Variants in TRAPPC9 observed in about 807,000 individuals in gnomAD.
TRAPPC9 encodes the protein trafficking protein particle complex subunit 9.
TRAPPC9 carries 83 observed loss-of-function variants against 124.0 expected under a neutral mutation model. That is an observed-to-expected ratio of 0.67 (90% CI 0.56 to 0.80). The LOEUF is 0.80. TRAPPC9 is among the 30% of genes least tolerant of loss of function. The pLI is 0.00. For missense variants in TRAPPC9, 1,302 were observed against 1,508.3 expected (o/e 0.86, Z 2.27); for synonymous variants, 638 against 617.5 (o/e 1.03, Z -0.49).
chr8:140,042,464 T>C (rs1401965002), intron 17 of TRAPPC9, among the ~76,000 whole-genome samples: 1 of 152,192 alleles, frequency 6.6e-6, no homozygotes, highest in Non-Finnish European at 1.5e-5. Context: ...TCCGGCTGCT[T>C]TTTATAGAAG....
At chr8:140,354,398 A>G (rs2067678073) in intron 9 of TRAPPC9, among the ~76,000 whole-genome samples, 1 of 152,232 alleles carries the variant, frequency 6.6e-6, no homozygotes, top group Admixed American at 6.5e-5. Flanking sequence ...AGAAGATTCC[A>G]CAAATCATCA....
intron 9 of TRAPPC9, among the ~76,000 whole-genome samples, chr8:140,322,485 A>T (rs2066621360): frequency 6.6e-6 from 1 of 152,290 alleles, no homozygotes; most frequent in African/African-American, 2.4e-5. Flanking sequence ...TTAAAAATGC[A>T]TATTATAATC....
At chr8:140,308,819 T>C (rs1308967199) in intron 10 of TRAPPC9, among the ~76,000 whole-genome samples, 1 of 151,474 alleles carries the variant, frequency 6.6e-6, no homozygotes, top group African/African-American at 2.4e-5. Flanking sequence ...AGGTGGAGGT[T>C]GCAGTGAGCC....
chr8:140,212,930 A>G (rs886546835), intron 17 of TRAPPC9, among the ~76,000 whole-genome samples: 12 of 151,780 alleles, frequency 7.9e-5, no homozygotes, highest in Non-Finnish European at 1.6e-4. Flanking sequence ...TTAGCTGGGC[A>G]TGGTGGCGCA....
At chr8:139,981,015 G>T (rs1200847467) in intron 19 of TRAPPC9, among the ~76,000 whole-genome samples, 1 of 152,208 alleles carries the variant, frequency 6.6e-6, no homozygotes, top group South Asian at 2.1e-4. Context: ...AGAAAGAGAA[G>T]AATTTCTCTT....
chr8:140,049,083 C>T (rs529842984), intron 17 of TRAPPC9, among the ~76,000 whole-genome samples: 2 of 152,188 alleles, frequency 1.3e-5, no homozygotes, highest in African/African-American at 4.8e-5. Context: ...TCTGATTCCC[C>T]GCGATGACGG....
At chr8:139,908,017 G>A (rs1261970844) in intron 20 of TRAPPC9, among the ~76,000 whole-genome samples, 1 of 152,166 alleles carries the variant, frequency 6.6e-6, no homozygotes, top group African/African-American at 2.4e-5. Context: ...GGGTGACGTG[G>A]CCCAGGGCAG....
At chr8:140,045,631 GA>G (rs57243402) in intron 17 of TRAPPC9, among the ~76,000 whole-genome samples, 721 of 33,230 alleles carry the variant, frequency 0.022, 18 homozygotes, top group African/African-American at 0.058. Flanking sequence ...CATCTCGGCA[GA>G]AAAAAAAAAA....
At chr8:140,176,886 C>A (rs1019050976) in intron 17 of TRAPPC9, among the ~76,000 whole-genome samples, 1 of 152,190 alleles carries the variant, frequency 6.6e-6, no homozygotes, top group Non-Finnish European at 1.5e-5. Context: ...TTTTAGTTTG[C>A]ATTTCCTTAC....
chr8:139,787,609 T>C (rs1270715380), intron 21 of TRAPPC9, among the ~76,000 whole-genome samples: 2 of 152,232 alleles, frequency 1.3e-5, no homozygotes, highest in South Asian at 2.1e-4. Context: ...GACGCTGATA[T>C]ACACAGAATT....
Position 140,229,251 on chromosome 8 carries a change from C to CTTTTTTTTTTT in TRAPPC9, c.2432-7679_2432-7669dup, listed in dbSNP as rs528175891. On this transcript the variant is annotated intron_variant, in intron 16 of 22. Transcript: ENST00000438773. The stretch of plus-strand genomic sequence containing the variant: ...AGTCAATTCCGTATGTTTTCTTTTT[C>CTTTTTTTTTTT]TTTTTTTTTTTTTTTTTTTTTTTTT... 7.0e-5 allele frequency among the ~76,000 whole-genome samples: 7 copies of CTTTTTTTTTTT among 99,812 alleles called. 1 individual carries two copies. The highest frequency in any genetic ancestry group is 2.8e-4 in the African/African-American group (6 of 21,734). The allele number at this position is 99,812 out of a possible 152,430, so 65.5% of individuals were successfully genotyped here. A position where few individuals can be genotyped will look rare whatever the true frequency, so the allele number is the denominator to read the frequency against.
intron 17 of TRAPPC9, among the ~76,000 whole-genome samples, chr8:140,052,601 G>T (rs1842066200): frequency 6.6e-6 from 1 of 152,178 alleles, no homozygotes; most frequent in Non-Finnish European, 1.5e-5. Flanking sequence ...GGCCAACATG[G>T]TGAAACCCTG....
intron 7 of TRAPPC9, among the ~76,000 whole-genome samples, chr8:140,388,212 G>A (rs1276725088): frequency 1.8e-4 from 26 of 142,900 alleles, no homozygotes; most frequent in Non-Finnish European, 6.1e-5. Flanking sequence ...ATCACACACC[G>A]GGGCCTGTTG....
At chr8:139,943,822 C>T (rs2614754) in intron 19 of TRAPPC9, among the ~76,000 whole-genome samples, 135,901 of 152,196 alleles carry the variant, frequency 0.89, 60,790 homozygotes, top group Middle Eastern at 0.99. Flanking sequence ...AATCAGTAGA[C>T]AGAAGACAGG....
chr8:140,149,468 A>C (rs2061509245), intron 17 of TRAPPC9, among the ~76,000 whole-genome samples: 1 of 152,044 alleles, frequency 6.6e-6, no homozygotes, highest in African/African-American at 2.4e-5. Context: ...AAAAATACAG[A>C]AATTAGCCGG....
At chr8:140,036,043 C>G (rs1840853691) in intron 17 of TRAPPC9, among the ~76,000 whole-genome samples, 1 of 152,166 alleles carries the variant, frequency 6.6e-6, no homozygotes, top group South Asian at 2.1e-4. Flanking sequence ...CCAACTCACC[C>G]GTCACTGGAC....
At position 140,457,692 on chromosome 8, in the gene TRAPPC9, G is replaced by T. The variant is rs932407588; in HGVS notation, c.-64C>A. On this transcript the variant is annotated 5_prime_UTR_variant, in exon 1 of 23. Transcript: ENST00000438773. ...GAGCCCACGACCTGGCGGGCAGCGG[G>T]GCCGAGCAGCCTCTGCGGCCACTTC... 5.1e-6 allele frequency: 5 copies of T among 987,204 alleles called. No individual in the cohort carries two copies. In the African/African-American group the frequency reaches 8.7e-5, roughly 17 times the overall value. 61.2% of individuals were successfully genotyped at this position (987,204 alleles called of 1,614,324 possible).
At chr8:140,292,431 A>G (rs2065686339) in intron 11 of TRAPPC9, among the ~76,000 whole-genome samples, 1 of 152,218 alleles carries the variant, frequency 6.6e-6, no homozygotes, top group East Asian at 1.9e-4. Flanking sequence ...CTAACAGGGC[A>G]GTGGAGGGCT....
At chr8:140,424,305 G>A (rs533978257) in intron 5 of TRAPPC9, among the ~76,000 whole-genome samples, 5 of 151,634 alleles carry the variant, frequency 3.3e-5, no homozygotes, top group Admixed American at 6.6e-5. Flanking sequence ...ATCATTTTAC[G>A]TAAAGTAGTT....
Sources: gnomAD v4.1 joint callset for allele counts (sites outside exome capture counted in the v4.1 genomes callset) on GRCh38, gnomAD v4.1.1 for gene constraint, MANE v1.5 for transcripts, NCBI Gene and HGNC (gene_info 2026-07-23, HGNC 2026-07-21) for gene names.